Variants in DCLK1 observed in about 807,000 individuals in gnomAD.
The protein encoded by DCLK1 is serine/threonine-protein kinase DCLK1.
DCLK1 carries 16 observed loss-of-function variants against 86.2 expected under a neutral mutation model. The ratio of observed to expected loss-of-function variants is 0.19; its 90% confidence interval spans 0.13 to 0.28. DCLK1 has a LOEUF of 0.28. DCLK1 is among the 10% of genes least tolerant of loss of function. The pLI is 1.00. For synonymous variants in DCLK1, 369 were observed against 370.5 expected, an observed-to-expected ratio of 1.00 and a Z score of 0.05; for missense variants, 590 against 940.2, an observed-to-expected ratio of 0.63 and a Z score of 4.87.
At chr13:35,793,541 G>T in intron 15 of DCLK1, 62 bp from the exon 16 acceptor site, 1 of 1,334,662 alleles carries the variant, frequency 7.5e-7, no homozygotes, top group Non-Finnish European at 1.0e-6. Context: ...GAAAAATGAA[G>T]GCTAAATCTT....
chr13:35,830,557 G>A (rs55721280), intron 8 of DCLK1, among the ~76,000 whole-genome samples: 2,788 of 152,194 alleles, frequency 0.018, 34 homozygotes, highest in Middle Eastern at 0.027. Context: ...CTTAATCGAG[G>A]AAAACTAAAA....
chr13:35,785,936 G>A (rs73520052), intron 16 of DCLK1, among the ~76,000 whole-genome samples: 1 of 152,336 alleles, frequency 6.6e-6, no homozygotes, highest in African/African-American at 2.4e-5. Flanking sequence ...ATATGCCGAT[G>A]AGTTTTTAGC....
Position 35,981,624 on chromosome 13 carries a change from C to G in DCLK1, c.724-34167G>C, listed in dbSNP as rs530490016. ...ACTGCCCTTAAGAATCCTCTGTGCT[C>G]CATCCTTTTTAAAGCTGAATAATCA... On this transcript the variant is annotated intron_variant, in intron 3 of 16. Coordinates refer to ENST00000360631, the MANE Select transcript of DCLK1 (RefSeq NM_001330071.2). Among the ~76,000 whole-genome samples, 3 of 152,172 alleles carry G rather than the reference C, an allele frequency of 2.0e-5. No individual in the cohort carries two copies. The South Asian group carries it at 6.2e-4, about 32-fold the overall frequency.
intron 1 of DCLK1, among the ~76,000 whole-genome samples, chr13:36,128,664 TCA>T (rs1220562475): frequency 6.6e-6 from 1 of 152,236 alleles, no homozygotes; most frequent in Non-Finnish European, 1.5e-5. Flanking sequence ...GTTAATGAGT[TCA>T]GTGTACTTTT....
rs147962548 is a variant in DCLK1, at chr13:35,854,509, C to T, written c.1025G>A (p.Arg342Gln). Reference sequence around the variant, plus strand: ...TGCTTATTTCCTTACCCTCTGCTTCCGCAGGCTTCCTGGGCTGGTGGGTGA... The same window carrying T: ...TGCTTATTTCCTTACCCTCTGCTTCTGCAGGCTTCCTGGGCTGGTGGGTGA... ...SPSPTSPGSL[R>Q]KQRSSQHGGS... Residue 342 changes from arginine to glutamine, a missense_variant, in exon 6 of 17, where the codon CGG (arginine) becomes CAG (glutamine). Physicochemically the swap from Arg to Gln is conservative, Grantham distance 43 (BLOSUM62 1). This residue lies in a region of DCLK1 where 63 missense variants were observed against 64.3 expected (regional missense o/e 0.98). Coordinates refer to ENST00000360631, the MANE Select transcript of DCLK1 (RefSeq NM_001330071.2). 2.2e-5 allele frequency: 35 copies of T among 1,600,182 alleles called. No homozygotes were observed. The highest frequency in any genetic ancestry group is 7.9e-5 in the South Asian group (7 of 88,608).
At chr13:36,031,482 T>C (rs900970893) in intron 3 of DCLK1, among the ~76,000 whole-genome samples, 4 of 152,234 alleles carry the variant, frequency 2.6e-5, no homozygotes, top group Admixed American at 2.0e-4. Flanking sequence ...TATGTGTGTA[T>C]GTGTTCGTAC....
chr13:35,991,019 G>A (rs1177994437), intron 3 of DCLK1, among the ~76,000 whole-genome samples: 1 of 152,166 alleles, frequency 6.6e-6, no homozygotes, highest in East Asian at 1.9e-4. Context: ...TGGTGATGGA[G>A]TTCAAAACAT....
intron 5 of DCLK1, among the ~76,000 whole-genome samples, chr13:35,857,166 C>T (rs998578852): frequency 1.8e-4 from 28 of 152,170 alleles, no homozygotes; most frequent in African/African-American, 6.8e-4. Context: ...CCTTGGCATT[C>T]ACATCATAAA....
chr13:36,024,732 A>C lies in DCLK1; in HGVS notation c.724-77275T>G, dbSNP rs918843591. 3.3e-5 allele frequency among the ~76,000 whole-genome samples: 5 copies of C among 152,146 alleles called. No individual in the cohort carries two copies. The East Asian group carries it at 9.6e-4, about 29-fold the overall frequency. ...TGCCTTTTTTTTTGTAGATATTACA[A>C]ACTGATCTAAAATTCTTATGGAAAT... On this transcript the variant is annotated intron_variant, in intron 3 of 16. Transcript: ENST00000360631.
At chr13:35,922,189 C>T (rs1044023420) in intron 4 of DCLK1, among the ~76,000 whole-genome samples, 18 of 152,072 alleles carry the variant, frequency 1.2e-4, no homozygotes, top group African/African-American at 4.1e-4. Context: ...GAGAAAGTGA[C>T]TGAAAAAATA....
chr13:35,863,698 C>G (rs1025397806), intron 5 of DCLK1, among the ~76,000 whole-genome samples: 1 of 152,170 alleles, frequency 6.6e-6, no homozygotes, highest in African/African-American at 2.4e-5. Context: ...AGGCTGAATT[C>G]TCTACACTAA....
intron 10 of DCLK1, 90 bp from the exon 11 acceptor site, chr13:35,822,965 G>A: frequency 6.9e-7 from 1 of 1,459,304 alleles, no homozygotes; most frequent in Non-Finnish European, 9.3e-7. Flanking sequence ...CAAAGGACAG[G>A]AAGAATGGAT....
chr13:36,001,322 C>G (rs557268781), intron 3 of DCLK1, among the ~76,000 whole-genome samples: 2 of 152,300 alleles, frequency 1.3e-5, no homozygotes, highest in East Asian at 3.9e-4. Flanking sequence ...AACAATGCTA[C>G]CTTTTTGAAC....
intron 3 of DCLK1, among the ~76,000 whole-genome samples, chr13:35,981,639 C>A (rs1399146537): frequency 6.6e-6 from 1 of 152,220 alleles, no homozygotes; most frequent in Non-Finnish European, 1.5e-5. Context: ...CTTTTTAAAG[C>A]TGAATAATCA....
intron 2 of DCLK1, among the ~76,000 whole-genome samples, chr13:36,115,991 C>T (rs1885773278): frequency 2.0e-5 from 3 of 150,786 alleles, no homozygotes; most frequent in South Asian, 4.3e-4. Flanking sequence ...ACTCTGTCAC[C>T]CAGGCTGGAG....
intron 3 of DCLK1, among the ~76,000 whole-genome samples, chr13:35,958,749 A>C (rs536672722): frequency 6.6e-6 from 1 of 152,252 alleles, no homozygotes; most frequent in Non-Finnish European, 1.5e-5. Flanking sequence ...CTAGAATTCT[A>C]AAATTATTTT....
intron 15 of DCLK1, among the ~76,000 whole-genome samples, chr13:35,800,925 C>T (rs1054150307): frequency 3.4e-5 from 5 of 148,966 alleles, no homozygotes; most frequent in East Asian, 2.0e-4. Flanking sequence ...GGCTTCACTA[C>T]GTTGGCCAGG....
chr13:36,023,196 T>C (rs888005114), intron 3 of DCLK1, among the ~76,000 whole-genome samples: 1 of 152,216 alleles, frequency 6.6e-6, no homozygotes, highest in Non-Finnish European at 1.5e-5. Context: ...AACAGACAGA[T>C]ACAGATATGC....
At chr13:35,945,798 C>T (rs1014590691) in intron 4 of DCLK1, among the ~76,000 whole-genome samples, 2 of 152,178 alleles carry the variant, frequency 1.3e-5, no homozygotes, top group African/African-American at 2.4e-5. Context: ...TTACAAAAAT[C>T]TGTGCCTCAA....
Sources: gnomAD v4.1 joint callset for allele counts (sites outside exome capture counted in the v4.1 genomes callset) on GRCh38, gnomAD v4.1.1 for gene constraint, gnomAD v4.1.1 regional missense constraint, MANE v1.5 for transcripts, NCBI Gene and HGNC (gene_info 2026-07-23, HGNC 2026-07-21) for gene names.